The following SLCO3A1 variants were observed in gnomAD, a reference collection of about 807,000 sequenced individuals.
SLCO3A1 encodes the protein PGE1 transporter.
In SLCO3A1, 27 loss-of-function variants were observed where a neutral mutation model predicts 63.1. The ratio of observed to expected loss-of-function variants is 0.43; its 90% confidence interval spans 0.32 to 0.59. The LOEUF (loss-of-function observed/expected upper bound fraction) is 0.59. Among genes scored for constraint, SLCO3A1 ranks in the 20% least tolerant of loss-of-function variants. The probability of loss-of-function intolerance (pLI) is 0.09; values close to 1 mark genes in which losing one functional copy is unlikely to be tolerated. For missense variants in SLCO3A1, 773 were observed against 945.8 expected, an observed-to-expected ratio of 0.82 and a Z score of 2.40; for synonymous variants, 473 against 409.9, an observed-to-expected ratio of 1.15 and a Z score of -1.86.
chr15:92,124,306 G>A (rs569103680), intron 5 of SLCO3A1, among the ~76,000 whole-genome samples: 16 of 152,326 alleles, frequency 1.1e-4, no homozygotes, highest in African/African-American at 3.4e-4. Context: ...CGCCTGGAGT[G>A]TTAAGGACAG....
intron 2 of SLCO3A1, among the ~76,000 whole-genome samples, chr15:92,050,883 A>T (rs1299284543): frequency 2.0e-5 from 3 of 151,828 alleles, no homozygotes; most frequent in Non-Finnish European, 4.4e-5. Context: ...TATTCCTCAC[A>T]TCCATCAAAC....
chr15:91,976,627 G>A (rs188513272), intron 2 of SLCO3A1, among the ~76,000 whole-genome samples: 1 of 152,230 alleles, frequency 6.6e-6, no homozygotes, highest in East Asian at 1.9e-4. Flanking sequence ...CGATATTCAC[G>A]TAGGTTCTTT....
chr15:91,940,732 A>G (rs1899590755), intron 2 of SLCO3A1, among the ~76,000 whole-genome samples: 2 of 152,168 alleles, frequency 1.3e-5, no homozygotes, highest in Admixed American at 6.5e-5. Context: ...GTTCAGGGGC[A>G]TCCTCCACAA....
At chr15:92,083,588 CT>C (rs1250162258) in intron 2 of SLCO3A1, among the ~76,000 whole-genome samples, 1 of 152,192 alleles carries the variant, frequency 6.6e-6, no homozygotes. Flanking sequence ...GAAGTATGTT[CT>C]TCAGAGAATC....
intron 2 of SLCO3A1, among the ~76,000 whole-genome samples, chr15:92,043,417 C>T (rs1044557848): frequency 3.3e-5 from 5 of 152,204 alleles, no homozygotes; most frequent in Non-Finnish European, 7.3e-5. Context: ...GTATAACCAG[C>T]GATAGCAGGC....
At chr15:91,971,453 G>C (rs886274649) in intron 2 of SLCO3A1, among the ~76,000 whole-genome samples, 1 of 144,364 alleles carries the variant, frequency 6.9e-6, no homozygotes, top group Non-Finnish European at 1.5e-5. Flanking sequence ...CTGTAAACAA[G>C]TATCCTTTTT....
rs1040152837 is a variant in SLCO3A1 at position 92,124,953 on chromosome 15, G to A, written c.1175-1108G>A. On this transcript the variant is annotated intron_variant, in intron 5 of 9. Coordinates refer to ENST00000318445, the MANE Select transcript of SLCO3A1 (RefSeq NM_013272.4). The stretch of plus-strand genomic sequence containing the variant: ...CAGTGCGGTGCAGGATGAGGATAAA[G>A]AGGCACCCAGGAGCTGGCTCATGAC... Among the ~76,000 whole-genome samples the A allele has an allele frequency of 2.6e-4, 39 of 152,180 alleles. 1 individual carries two copies. Among genetic ancestry groups the A allele is most frequent in the African/African-American group, 9.4e-4 (39 of 41,424 alleles).
intron 3 of SLCO3A1, among the ~76,000 whole-genome samples, chr15:92,096,470 G>A (rs532133761): frequency 3.2e-4 from 48 of 152,316 alleles, no homozygotes; most frequent in African/African-American, 1.1e-3. Context: ...ACCATGTGCT[G>A]TCACATCTCT....
chr15:92,052,064 A>G (rs1167383988), intron 2 of SLCO3A1, among the ~76,000 whole-genome samples: 1 of 152,140 alleles, frequency 6.6e-6, no homozygotes, highest in East Asian at 1.9e-4. Context: ...ATTCAGAGCA[A>G]AAGTGGTACT....
chr15:92,105,600 T>A (rs1041399979), intron 4 of SLCO3A1, among the ~76,000 whole-genome samples: 5 of 152,180 alleles, frequency 3.3e-5, no homozygotes, highest in Non-Finnish European at 7.3e-5. Context: ...AGCCTGGCAG[T>A]CTCAGAAGCT....
chr15:91,867,148 C>G (rs928205919), intron 1 of SLCO3A1, among the ~76,000 whole-genome samples: 6 of 152,228 alleles, frequency 3.9e-5, no homozygotes, highest in African/African-American at 9.6e-5. Flanking sequence ...CGGCATCTCT[C>G]TCGGCCAAGC....
chr15:91,936,870 C>T (rs1899430631), intron 2 of SLCO3A1, among the ~76,000 whole-genome samples: 1 of 152,162 alleles, frequency 6.6e-6, no homozygotes, highest in Non-Finnish European at 1.5e-5. Flanking sequence ...TGTCCTGTTT[C>T]TCTCGTAGGC....
At chr15:91,861,402 C>T (rs971842027) in intron 1 of SLCO3A1, among the ~76,000 whole-genome samples, 2 of 152,150 alleles carry the variant, frequency 1.3e-5, no homozygotes, top group African/African-American at 4.8e-5. Flanking sequence ...GAGTCGAGTG[C>T]CTCTGAAAAG....
At chr15:92,128,236 C>A in intron 6 of SLCO3A1, 115 bp from the exon 7 acceptor site, 1 of 1,245,596 alleles carries the variant, frequency 8.0e-7, no homozygotes, top group Non-Finnish European at 1.1e-6. Flanking sequence ...GGTAACAATC[C>A]CATAAGCAGG....
At chr15:91,858,555 T>C (rs1896978554) in intron 1 of SLCO3A1, among the ~76,000 whole-genome samples, 1 of 152,228 alleles carries the variant, frequency 6.6e-6, no homozygotes, top group African/African-American at 2.4e-5. Context: ...GAGCGAGGGC[T>C]CTATCCTGCA....
In SLCO3A1 at chr15:92,126,070, C is replaced by T. The variant is rs775241468; in HGVS notation, c.1184C>T (p.Ala395Val). The part of the protein sequence containing the change: ...SSANQLLGMT[A>V]IPCACLGIFL... The stretch of plus-strand genomic sequence containing the variant: ...TCTATTTTCCTTCCAGGGATGACTG[C>T]GATCCCGTGTGCTTGTCTGGGTATC... The change falls in exon 6 of 10, where the codon GCG becomes GTG. Residue 395 changes from alanine (A) to valine (V), a missense_variant. Physicochemically the swap from Ala to Val is moderately conservative, Grantham distance 64. Around this residue, in one of 3 missense-constraint regions of SLCO3A1, gnomAD observed 565 missense variants for 749.8 expected, o/e 0.75. Transcript: ENST00000318445. The T allele has an allele frequency of 3.2e-5, 51 of 1,613,594 alleles. No homozygotes were observed. The highest frequency in any genetic ancestry group is 4.0e-5 in the Non-Finnish European group (47 of 1,179,914).
chr15:92,055,224 T>C (rs1309568938), intron 2 of SLCO3A1, among the ~76,000 whole-genome samples: 1 of 152,240 alleles, frequency 6.6e-6, no homozygotes, highest in Non-Finnish European at 1.5e-5. Flanking sequence ...TTTTCATGTT[T>C]GTTGGCTGCA....
intron 2 of SLCO3A1, among the ~76,000 whole-genome samples, chr15:92,063,955 G>C (rs1013674082): frequency 6.6e-6 from 1 of 152,224 alleles, no homozygotes; most frequent in Non-Finnish European, 1.5e-5. Flanking sequence ...GGAACCCTTT[G>C]AGCAGCCTAT....
intron 1 of SLCO3A1, among the ~76,000 whole-genome samples, chr15:91,873,865 C>G (rs1193014316): frequency 1.3e-5 from 2 of 152,176 alleles, no homozygotes; most frequent in Non-Finnish European, 2.9e-5. Flanking sequence ...CAAACCAATT[C>G]AAGATCATAC....
Sources: allele counts gnomAD v4.1 joint callset (sites outside exome capture counted in the v4.1 genomes callset), GRCh38; gene constraint gnomAD v4.1.1; regional missense constraint gnomAD v4.1.1; transcripts MANE v1.5; gene names NCBI Gene and HGNC (gene_info 2026-07-23, HGNC 2026-07-21).